MAP4K3: variants seen among roughly 807,000 people sequenced by gnomAD.
MAP4K3 encodes the protein MAPK/ERK kinase kinase kinase 3.
In MAP4K3, 94 loss-of-function variants were observed where a neutral mutation model predicts 143.5. The observed-to-expected ratio is 0.65, with a 90% CI of 0.55 to 0.78. The LOEUF (loss-of-function observed/expected upper bound fraction) is 0.78. Among genes scored for constraint, MAP4K3 ranks in the 30% least tolerant of loss-of-function variants. The pLI is 0.00. For missense variants in MAP4K3, 1,077 were observed against 1,068.1 expected (o/e 1.01, Z -0.12); for synonymous variants, 416 against 347.2 (o/e 1.20, Z -2.20).
chr2:39,394,389 G>A (rs1558685250), intron 1 of MAP4K3, among the ~76,000 whole-genome samples: 1 of 152,186 alleles, frequency 6.6e-6, no homozygotes, highest in Non-Finnish European at 1.5e-5. Flanking sequence ...TAATGGGAAT[G>A]GAGAGAAATG....
intron 8 of MAP4K3, among the ~76,000 whole-genome samples, chr2:39,327,916 CAT>C (rs1683547080): frequency 6.6e-6 from 1 of 152,218 alleles, no homozygotes. Context: ...ACACTTAGTA[CAT>C]GTCTACTCCA....
At chr2:39,360,927 C>T (rs149339423) in intron 2 of MAP4K3, among the ~76,000 whole-genome samples, 1 of 152,258 alleles carries the variant, frequency 6.6e-6, no homozygotes, top group African/African-American at 2.4e-5. Context: ...CACAGCTAAA[C>T]TATATCAACA....
At chr2:39,421,412 T>C (rs1012704185) in intron 1 of MAP4K3, among the ~76,000 whole-genome samples, 1 of 150,204 alleles carries the variant, frequency 6.7e-6, no homozygotes, top group Admixed American at 6.6e-5. Flanking sequence ...GGTTTTGCCA[T>C]GTTGCCCACC....
intron 18 of MAP4K3, among the ~76,000 whole-genome samples, chr2:39,290,766 G>A (rs1024288646): frequency 3.3e-5 from 5 of 152,128 alleles, no homozygotes; most frequent in South Asian, 2.1e-4. Flanking sequence ...ACCACTGTAG[G>A]ATGACTATAG....
intron 5 of MAP4K3, 51 bp from the exon 6 acceptor site, chr2:39,337,018 CT>C: frequency 1.1e-6 from 1 of 939,626 alleles, no homozygotes. Context: ...AAAGAGCACT[CT>C]TTTGGATTTT....
At chr2:39,273,854 A>G (rs973629446) in intron 24 of MAP4K3, among the ~76,000 whole-genome samples, 1 of 152,206 alleles carries the variant, frequency 6.6e-6, no homozygotes, top group African/African-American at 2.4e-5. Flanking sequence ...AAAATTCACA[A>G]CAAAATTGGG....
chr2:39,255,812 C>T (rs897259908), intron 31 of MAP4K3, among the ~76,000 whole-genome samples: 40 of 152,280 alleles, frequency 2.6e-4, no homozygotes, highest in Middle Eastern at 3.4e-3. Context: ...AGGCATGAGC[C>T]GCCGCGCCTG....
intron 2 of MAP4K3, among the ~76,000 whole-genome samples, chr2:39,363,571 A>AGGT (rs1016397030): frequency 6.9e-6 from 1 of 144,298 alleles, no homozygotes; most frequent in African/African-American, 2.6e-5. Context: ...TTGGAGACTG[A>AGGT]GGTGGGAGAA....
chr2:39,304,515 C>A (rs1314058308), intron 15 of MAP4K3, among the ~76,000 whole-genome samples: 1 of 152,010 alleles, frequency 6.6e-6, no homozygotes, highest in African/African-American at 2.4e-5. Flanking sequence ...TACTTTATAC[C>A]CATTAGGATA....
intron 1 of MAP4K3, among the ~76,000 whole-genome samples, chr2:39,400,042 A>T (rs1666912128): frequency 6.6e-6 from 1 of 152,234 alleles, no homozygotes; most frequent in Non-Finnish European, 1.5e-5. Flanking sequence ...AACCAACTAG[A>T]CAATGCTACC....
At chr2:39,250,786 C>G in intron 33 of MAP4K3, 81 bp from the exon 34 acceptor site, 1 of 1,010,186 alleles carries the variant, frequency 9.9e-7, no homozygotes. Flanking sequence ...CATTGCTTCT[C>G]CAATATGTGC....
Position 39,333,527 on chromosome 2 carries a change from C to T in MAP4K3, c.457+5G>A, listed in dbSNP as rs1206001429. ...GTGCACGTGACAAAATTCCAATTTA[C>T]TTACCCAATTTCACATGACCATTAT... On this transcript the variant is annotated splice_donor_5th_base_variant and intron_variant, in intron 7 of 33. Coordinates refer to ENST00000263881, the MANE Select transcript of MAP4K3 (RefSeq NM_003618.4). The T allele has an allele frequency of 6.2e-7, 1 of 1,603,548 alleles. No homozygotes were observed. The highest frequency in any genetic ancestry group is 2.2e-5 in the East Asian group (1 of 44,686).
intron 20 of MAP4K3, among the ~76,000 whole-genome samples, chr2:39,287,614 T>C (rs998051248): frequency 1.3e-5 from 2 of 152,202 alleles, no homozygotes; most frequent in Non-Finnish European, 2.9e-5. Flanking sequence ...AGTTGCTCTT[T>C]TTTAAAATTG....
chr2:39,251,934 T>G, intron 32 of MAP4K3, 49 bp from the exon 33 acceptor site: 1 of 1,233,286 alleles, frequency 8.1e-7, no homozygotes, highest in Non-Finnish European at 1.2e-6. Flanking sequence ...AGACACAAAA[T>G]TTTTAATGGG....
At chr2:39,335,185 C>T (rs963812404) in intron 6 of MAP4K3, among the ~76,000 whole-genome samples, 4 of 152,080 alleles carry the variant, frequency 2.6e-5, no homozygotes, top group South Asian at 2.1e-4. Context: ...ATGGTAAAGG[C>T]ATCTGGACTT....
intron 1 of MAP4K3, among the ~76,000 whole-genome samples, chr2:39,385,632 T>C: frequency 7.7e-6 from 1 of 130,308 alleles, no homozygotes; most frequent in African/African-American, 3.0e-5. Context: ...TGATTTGCAA[T>C]TTTTTTTTTT....
In MAP4K3 at chr2:39,371,980, G is replaced by A. The variant is rs572727738; in HGVS notation, c.154+6086C>T. On this transcript the variant is annotated intron_variant, in intron 2 of 33. Coordinates refer to ENST00000263881, the MANE Select transcript of MAP4K3 (RefSeq NM_003618.4). Reference sequence around the variant, plus strand: ...CAAGAAATAAACGAGCATCCAAATTGCAAAGGAAGCAGTCAAATTATCCTT... The same window carrying A: ...CAAGAAATAAACGAGCATCCAAATTACAAAGGAAGCAGTCAAATTATCCTT... 1.7e-3 allele frequency among the ~76,000 whole-genome samples: 252 copies of A among 150,804 alleles called. 6 individuals carry two copies. In the East Asian group the frequency reaches 0.024, roughly 14 times the overall value.
chr2:39,436,748 A>C, intron 1 of MAP4K3, 144 bp downstream of exon 1: 2 of 666,994 alleles, frequency 3.0e-6, no homozygotes, highest in Non-Finnish European at 5.2e-6. Flanking sequence ...AAGGCAGCAG[A>C]GCCCTTGGCG....
chr2:39,422,808 T>C (rs1384535396), intron 1 of MAP4K3, among the ~76,000 whole-genome samples: 1 of 152,076 alleles, frequency 6.6e-6, no homozygotes, highest in Non-Finnish European at 1.5e-5. Flanking sequence ...AAATGTAAAA[T>C]GCAAAACATA....
Sources: allele counts gnomAD v4.1 joint callset (sites outside exome capture counted in the v4.1 genomes callset), GRCh38; gene constraint gnomAD v4.1.1; transcripts MANE v1.5; gene names NCBI Gene and HGNC (gene_info 2026-07-23, HGNC 2026-07-21).